Variants in PPM1L observed in about 807,000 individuals in gnomAD.
PPM1L encodes the protein protein phosphatase, Mg2+/Mn2+ dependent 1L.
PPM1L carries 13 observed loss-of-function variants against 31.4 expected under a neutral mutation model. That is an observed-to-expected ratio of 0.41 (90% CI 0.27 to 0.66). The LOEUF is 0.66. PPM1L is among the 30% of genes least tolerant of loss of function. The pLI is 0.29. For synonymous variants in PPM1L, 184 were observed against 175.4 expected, an observed-to-expected ratio of 1.05 and a Z score of -0.39; for missense variants, 326 against 453.7, an observed-to-expected ratio of 0.72 and a Z score of 2.56.
intron 2 of PPM1L, among the ~76,000 whole-genome samples, chr3:161,032,619 T>G (rs1485779636): frequency 6.6e-6 from 1 of 151,250 alleles, no homozygotes; most frequent in Non-Finnish European, 1.5e-5. Flanking sequence ...GAAGTAGAGG[T>G]GGCAGATTTT....
intron 1 of PPM1L, among the ~76,000 whole-genome samples, chr3:160,757,116 A>G (rs1414809087): frequency 6.6e-6 from 1 of 152,202 alleles, no homozygotes; most frequent in African/African-American, 2.4e-5. Context: ...AGGCACAGAG[A>G]AGGAAGACAA....
chr3:160,965,492 A>C (rs1246332283), intron 2 of PPM1L, among the ~76,000 whole-genome samples: 1 of 152,070 alleles, frequency 6.6e-6, no homozygotes, highest in South Asian at 2.1e-4. Flanking sequence ...TATAAAATAG[A>C]CTTTGTGTTA....
intron 2 of PPM1L, among the ~76,000 whole-genome samples, chr3:161,006,048 A>G (rs780202114): frequency 7.9e-5 from 12 of 152,206 alleles, no homozygotes; most frequent in Non-Finnish European, 1.2e-4. Flanking sequence ...TCAACGAGAT[A>G]TTTTTACAAC....
At chr3:160,864,106 G>T (rs1328165109) in intron 1 of PPM1L, among the ~76,000 whole-genome samples, 1 of 152,124 alleles carries the variant, frequency 6.6e-6, no homozygotes, top group Non-Finnish European at 1.5e-5. Flanking sequence ...GGGTCTCACT[G>T]AGTCCTTTTG....
chr3:161,003,197 T>A (rs1273162690), intron 2 of PPM1L, among the ~76,000 whole-genome samples: 2,345 of 151,194 alleles, frequency 0.016, 55 homozygotes, highest in African/African-American at 0.054. Flanking sequence ...CATTGATCTA[T>A]ATGTCTGTTT....
intron 1 of PPM1L, among the ~76,000 whole-genome samples, chr3:160,816,326 A>T (rs953213281): frequency 4.6e-5 from 7 of 151,594 alleles, no homozygotes; most frequent in African/African-American, 1.7e-4. Flanking sequence ...AGCTTTAAAT[A>T]TTTGTGAGTA....
At position 160,756,256 on chromosome 3, in the gene PPM1L, C is replaced by T; in HGVS notation, c.-53C>T. The T allele has an allele frequency of 1.3e-6, 2 of 1,557,752 alleles. No individual in the cohort carries two copies. The highest frequency in any genetic ancestry group is 8.7e-7 in the Non-Finnish European group (1 of 1,147,996). ...GTCCCCGCAGTGCTCCCGGACCCGG[C>T]GAGCCTTCGGGGCGCGCGTCGCTGG... On this transcript the variant is annotated 5_prime_UTR_variant, in exon 1 of 4. Transcript: ENST00000498165. The surrounding 1 kb of genome is among the most constrained non-coding windows in gnomAD (Gnocchi z 6.2).
At chr3:160,786,832 A>G (rs1213766052) in intron 1 of PPM1L, among the ~76,000 whole-genome samples, 1 of 152,118 alleles carries the variant, frequency 6.6e-6, no homozygotes, top group East Asian at 1.9e-4. Context: ...CCTACTTATA[A>G]GTAAGAACAT....
chr3:160,973,971 CTAACTCGTCAT>C (rs2108026893), intron 2 of PPM1L, among the ~76,000 whole-genome samples: 1 of 148,928 alleles, frequency 6.7e-6, no homozygotes, highest in African/African-American at 2.5e-5. Context: ...GCTGGACCCA[CTAACTCGTCAT>C]CTAGCATTAG....
chr3:161,044,864 A>G (rs1719011979), intron 2 of PPM1L, among the ~76,000 whole-genome samples: 1 of 152,224 alleles, frequency 6.6e-6, no homozygotes, highest in Non-Finnish European at 1.5e-5. Context: ...AGTGTGCTAT[A>G]TTCAGCAGAC....
At chr3:160,919,894 C>G (rs1409136493) in intron 1 of PPM1L, among the ~76,000 whole-genome samples, 1 of 151,968 alleles carries the variant, frequency 6.6e-6, no homozygotes, top group Non-Finnish European at 1.5e-5. Flanking sequence ...GTTTTTGAGC[C>G]CTGCTTGCTG....
At chr3:161,064,277 G>A (rs974489710) in intron 2 of PPM1L, among the ~76,000 whole-genome samples, 1 of 151,076 alleles carries the variant, frequency 6.6e-6, no homozygotes, top group African/African-American at 2.4e-5. Context: ...TGAGGTGGGG[G>A]AATTGCTTGA....
Position 160,801,459 on chromosome 3 carries a change from A to G in PPM1L, c.399+44752A>G, listed in dbSNP as rs142410589. Among the ~76,000 whole-genome samples the G allele has an allele frequency of 6.1e-3, 932 of 152,344 alleles. 8 individuals carry two copies. Among genetic ancestry groups the G allele is most frequent in the African/African-American group, 0.022 (902 of 41,582 alleles). ...CTGTCCAATTTAAGACTACCAGTCC[A>G]TGGCCAGTCACAGGACGAAGAACAT... On this transcript the variant is annotated intron_variant, in intron 1 of 3. Transcript: ENST00000498165.
At position 160,805,852 on chromosome 3, in the gene PPM1L, T is replaced by C. The variant is rs114312110; in HGVS notation, c.399+49145T>C. Among the ~76,000 whole-genome samples, 11 of 152,368 alleles carry C rather than the reference T, an allele frequency of 7.2e-5. No individual in the cohort carries two copies. The South Asian group carries it at 2.1e-3, about 29-fold the overall frequency. ...AGGCAGAATCTGGCCTGCAGACTTATTTGTTCTGCTCAGCATTTAAAAACC... is the reference window on the plus strand; with the variant it reads ...AGGCAGAATCTGGCCTGCAGACTTACTTGTTCTGCTCAGCATTTAAAAACC... On this transcript the variant is annotated intron_variant, in intron 1 of 3. Coordinates refer to ENST00000498165, the MANE Select transcript of PPM1L (RefSeq NM_139245.4).
intron 1 of PPM1L, among the ~76,000 whole-genome samples, chr3:160,920,082 CT>C (rs1393115965): frequency 6.6e-6 from 1 of 152,150 alleles, no homozygotes; most frequent in African/African-American, 2.4e-5. Flanking sequence ...CTTCTATCCA[CT>C]TTACCACGTC....
rs930043951 is a variant in PPM1L, at chr3:161,041,984, G to A, written c.575-23419G>A. Among the ~76,000 whole-genome samples the A allele has an allele frequency of 1.1e-4, 17 of 152,020 alleles. No homozygotes were observed. The South Asian group carries it at 1.2e-3, about 11-fold the overall frequency. On this transcript the variant is annotated intron_variant, in intron 2 of 3. Transcript: ENST00000498165. Reference sequence around the variant, plus strand: ...AGTATGGAAGATAAAATAAAAACCCGTTCTCATTCATTTACTTATTCAACT... The same window carrying A: ...AGTATGGAAGATAAAATAAAAACCCATTCTCATTCATTTACTTATTCAACT...
At chr3:160,929,159 C>T (rs1576720810) in intron 1 of PPM1L, among the ~76,000 whole-genome samples, 1 of 152,030 alleles carries the variant, frequency 6.6e-6, no homozygotes, top group Non-Finnish European at 1.5e-5. Flanking sequence ...AACCAGAAAG[C>T]ATTTTTATTT....
chr3:160,766,228 A>G (rs761232142), intron 1 of PPM1L, among the ~76,000 whole-genome samples: 1 of 133,418 alleles, frequency 7.5e-6, no homozygotes, highest in Non-Finnish European at 1.6e-5. Context: ...AAACTAATAT[A>G]TTTTCAATAA....
chr3:160,829,836 G>A (rs1713466594), intron 1 of PPM1L, among the ~76,000 whole-genome samples: 1 of 152,112 alleles, frequency 6.6e-6, no homozygotes, highest in Non-Finnish European at 1.5e-5. Context: ...TATTTTCCAG[G>A]TCATTAAAGA....
Sources: allele counts gnomAD v4.1 joint callset (sites outside exome capture counted in the v4.1 genomes callset), GRCh38; gene constraint gnomAD v4.1.1; non-coding constraint Gnocchi (gnomAD v3.1); transcripts MANE v1.5; gene names NCBI Gene and HGNC (gene_info 2026-07-23, HGNC 2026-07-21).